Variants in SORCS3 observed in about 807,000 individuals in gnomAD.
SORCS3 encodes VPS10 domain-containing receptor SorCS3.
A neutral mutation model predicts 146.3 loss-of-function variants in SORCS3; 57 were observed. The observed-to-expected ratio is 0.39, with a 90% confidence interval of 0.31 to 0.49. The LOEUF is 0.49. Ranked by LOEUF, SORCS3 falls within the 20% of genes least tolerant of loss-of-function variation. The pLI, the probability that SORCS3 is intolerant of heterozygous loss-of-function variation, is 0.92. For missense variants in SORCS3, 1,341 were observed against 1,575.5 expected, an observed-to-expected ratio of 0.85 and a Z score of 2.52; for synonymous variants, 653 against 618.5, an observed-to-expected ratio of 1.06 and a Z score of -0.83.
chr10:104,868,925 T>C (rs191898298), intron 2 of SORCS3, among the ~76,000 whole-genome samples: 1 of 152,314 alleles, frequency 6.6e-6, no homozygotes, highest in Admixed American at 6.5e-5. Flanking sequence ...CATGTTTCTA[T>C]TACCAGTTCA....
chr10:105,259,506 G>A (rs1339682948), intron 25 of SORCS3, among the ~76,000 whole-genome samples: 7 of 152,192 alleles, frequency 4.6e-5, no homozygotes, highest in Non-Finnish European at 1.5e-5. Flanking sequence ...ATTACTATGA[G>A]CCTCAAGCTT....
chr10:104,758,508 T>C (rs1394598186), intron 1 of SORCS3, among the ~76,000 whole-genome samples: 1 of 152,140 alleles, frequency 6.6e-6, no homozygotes, highest in Non-Finnish European at 1.5e-5. Context: ...GTAGGGGCCA[T>C]TGTCTAACTT....
At chr10:104,808,473 A>G (rs1009383528) in intron 1 of SORCS3, among the ~76,000 whole-genome samples, 2 of 152,224 alleles carry the variant, frequency 1.3e-5, no homozygotes, top group African/African-American at 4.8e-5. Flanking sequence ...CAATGAAAAT[A>G]TGGAGGTAAA....
At chr10:105,045,037 A>AAAAAAGAAAGAAAG (rs796179490) in intron 5 of SORCS3, among the ~76,000 whole-genome samples, 4,981 of 126,976 alleles carry the variant, frequency 0.039, 71 homozygotes, top group African/African-American at 0.046. Flanking sequence ...AAAAAAAAAA[A>AAAAAAGAAAGAAAG]AAAAGAAAGA....
intron 1 of SORCS3, among the ~76,000 whole-genome samples, chr10:104,743,596 G>A (rs1002643654): frequency 1.3e-5 from 2 of 152,128 alleles, no homozygotes; most frequent in African/African-American, 4.8e-5. Flanking sequence ...AATCTTGGGG[G>A]TAAAGGAGGT....
At chr10:104,920,600 TG>T (rs762209750) in intron 3 of SORCS3, among the ~76,000 whole-genome samples, 21 of 152,322 alleles carry the variant, frequency 1.4e-4, no homozygotes, top group Admixed American at 4.6e-4. Context: ...TTGCTATAAA[TG>T]GTAGATCTAC....
Position 105,157,302 on chromosome 10 carries a change from A to G in SORCS3, c.1629+18A>G. On this transcript the variant is annotated intron_variant, in intron 10 of 26. Coordinates refer to ENST00000369701, the MANE Select transcript of SORCS3 (RefSeq NM_014978.3). ...GCCTGCTGGTCAGTCACTCAGCCTC[A>G]TGGGAAGTTCACAGGGCAGGCTGGC... 6.2e-7 allele frequency: 1 copy of G among 1,613,082 alleles called. No homozygotes were observed. The highest frequency in any genetic ancestry group is 8.5e-7 in the Non-Finnish European group (1 of 1,179,282).
chr10:104,642,022 G>GGGGGGGGGGGGGGCGCCCCC, intron 1 of SORCS3, 68 bp downstream of exon 1: 2 of 173,334 alleles, frequency 1.2e-5, no homozygotes, highest in Admixed American at 8.9e-5. Context: ...GGGTGGGTGG[G>GGGGGGGGGGGGGGCGCCCCC]AGCGAGGGAC....
chr10:105,066,191 A>C (rs966845494), intron 5 of SORCS3, among the ~76,000 whole-genome samples: 1 of 152,206 alleles, frequency 6.6e-6, no homozygotes, highest in Non-Finnish European at 1.5e-5. Context: ...ACCACGTTGC[A>C]CAAAAGGCCT....
At chr10:104,916,456 T>G (rs1356679429) in intron 3 of SORCS3, among the ~76,000 whole-genome samples, 1 of 152,152 alleles carries the variant, frequency 6.6e-6, no homozygotes, top group African/African-American at 2.4e-5. Flanking sequence ...CTGAGCTGCT[T>G]CTGAGGCAGA....
chr10:104,770,845 C>T (rs918832442), intron 1 of SORCS3, among the ~76,000 whole-genome samples: 2 of 151,872 alleles, frequency 1.3e-5, no homozygotes, highest in African/African-American at 4.8e-5. Context: ...AAAAACAAAA[C>T]AAAGAAGAAA....
intron 1 of SORCS3, among the ~76,000 whole-genome samples, chr10:104,731,308 C>T (rs987068341): frequency 1.3e-5 from 2 of 152,196 alleles, no homozygotes; most frequent in African/African-American, 4.8e-5. Flanking sequence ...TCATGGCTAT[C>T]TTTTCGAAGG....
intron 2 of SORCS3, among the ~76,000 whole-genome samples, chr10:104,844,208 A>G (rs2018178658): frequency 6.6e-6 from 1 of 152,178 alleles, no homozygotes; most frequent in African/African-American, 2.4e-5. Flanking sequence ...CGAACAAATG[A>G]AAGCATGACT....
chr10:105,030,311 C>A (rs1296591932), intron 4 of SORCS3, among the ~76,000 whole-genome samples: 2 of 152,118 alleles, frequency 1.3e-5, no homozygotes, highest in African/African-American at 4.8e-5. Flanking sequence ...TGGCTGGGCT[C>A]TCTTTTACAT....
chr10:104,858,490 T>C (rs990185504), intron 2 of SORCS3, among the ~76,000 whole-genome samples: 4 of 152,226 alleles, frequency 2.6e-5, no homozygotes, highest in African/African-American at 9.6e-5. Context: ...CCTTAAAAAA[T>C]GTTCTGGTGC....
At chr10:105,026,325 C>A (rs912308595) in intron 4 of SORCS3, among the ~76,000 whole-genome samples, 11 of 152,230 alleles carry the variant, frequency 7.2e-5, no homozygotes, top group African/African-American at 2.7e-4. Context: ...TGTGGGTTCC[C>A]CACTTTCTGC....
intron 2 of SORCS3, among the ~76,000 whole-genome samples, chr10:104,861,520 C>T (rs181310343): frequency 5.9e-5 from 9 of 152,280 alleles, no homozygotes; most frequent in Non-Finnish European, 1.2e-4. Context: ...TTGCCCTAAT[C>T]CCTCAGGACT....
intron 1 of SORCS3, among the ~76,000 whole-genome samples, chr10:104,781,177 C>T (rs1352732179): frequency 6.6e-6 from 1 of 152,182 alleles, no homozygotes; most frequent in Non-Finnish European, 1.5e-5. Flanking sequence ...TCAGATCTCA[C>T]CTTTGCAACT....
chr10:104,890,267 AC>A (rs1271589585), intron 2 of SORCS3, among the ~76,000 whole-genome samples: 1 of 148,468 alleles, frequency 6.7e-6, no homozygotes, highest in Admixed American at 6.7e-5. Context: ...CCACCCCCAC[AC>A]CTCCTTCTCC....
Sources: allele counts gnomAD v4.1 joint callset (sites outside exome capture counted in the v4.1 genomes callset), GRCh38; gene constraint gnomAD v4.1.1; transcripts MANE v1.5; gene names NCBI Gene and HGNC (gene_info 2026-07-23, HGNC 2026-07-21).